Variants in SHOX observed in about 807,000 individuals in gnomAD.
The protein encoded by SHOX is SHOX homeobox.
SHOX carries 12 observed loss-of-function variants against 29.6 expected under a neutral mutation model. The ratio of observed to expected loss-of-function variants is 0.41; its 90% CI spans 0.26 to 0.66. The LOEUF is 0.66. SHOX is among the 30% of genes least tolerant of loss of function. The pLI, the probability that SHOX is intolerant of heterozygous loss-of-function variation, is 0.35. For missense variants in SHOX, 499 were observed against 437.7 expected (o/e 1.14, Z -1.25); for synonymous variants, 214 against 200.6 (o/e 1.07, Z -0.57).
At chrX:634,931 T>A in intron 2 of SHOX, 105 bp downstream of exon 2, 2 of 1,247,040 alleles carry the variant, frequency 1.6e-6, no homozygotes, top group South Asian at 3.0e-5. Flanking sequence ...GCCGTCCCCT[T>A]CCCGGAGCGC....
In SHOX at chrX:645,390, A is replaced by ATTTTTTTTTTTTTTTTTTTTTTT. The variant is rs1168989193; in HGVS notation, c.*765_*787dup. On this transcript the variant is annotated 3_prime_UTR_variant, in exon 5 of 5. Transcript: ENST00000686671. ...GGGTCTGGTTTTGTTTTGGATTGGT[A>ATTTTTTTTTTTTTTTTTTTTTTT]TTTTTTTTTTTTTTTTTTTTTTTTT... 2 of 78,332 alleles carry ATTTTTTTTTTTTTTTTTTTTTTT rather than the reference A, an allele frequency of 2.6e-5. No homozygotes were observed. The highest frequency in any genetic ancestry group is 9.7e-5 in the African/African-American group (2 of 20,536). The allele number at this position is 78,332 out of a possible 1,614,324, so 4.9% of individuals were successfully genotyped here. A position where few individuals can be genotyped will look rare whatever the true frequency, so the allele number is the denominator to read the frequency against.
Position 645,388 on chromosome X carries a change from G to GTTTTTTTTTTTTTTTTTT in SHOX, c.*753_*754insTTTTTTTTTTTTTTTTTT, listed in dbSNP as rs1398738646. Reference sequence around the variant, plus strand: ...TTGGGTCTGGTTTTGTTTTGGATTGGTATTTTTTTTTTTTTTTTTTTTTTT... The same window carrying GTTTTTTTTTTTTTTTTTT: ...TTGGGTCTGGTTTTGTTTTGGATTGGTTTTTTTTTTTTTTTTTTTATTTTTTTTTTTTTTTTTTTTTTT... On this transcript the variant is annotated 3_prime_UTR_variant, in exon 5 of 5. Coordinates refer to ENST00000686671, the MANE Select transcript of SHOX (RefSeq NM_000451.4). 8 of 77,746 alleles carry GTTTTTTTTTTTTTTTTTT rather than the reference G, an allele frequency of 1.0e-4. 2 individuals carry two copies. The highest frequency in any genetic ancestry group is 3.3e-4 in the African/African-American group (8 of 24,340). 4.8% of individuals were successfully genotyped at this position (77,746 alleles called of 1,614,324 possible).
downstream of SHOX, among the ~76,000 whole-genome samples, chrX:655,115 T>TTTTG (rs2053119067): frequency 6.6e-6 from 1 of 151,744 alleles, no homozygotes; most frequent in Admixed American, 6.6e-5. Context: ...CAGAAACTTT[T>TTTTG]TTTGTTTTGT....
At chrX:637,528 T>C (rs2052779340) in intron 2 of SHOX, among the ~76,000 whole-genome samples, 1 of 150,634 alleles carries the variant, frequency 6.6e-6, no homozygotes, top group Non-Finnish European at 1.5e-5. Flanking sequence ...CTGGGGGTTA[T>C]CGATTGCAGG....
At chrX:627,908 G>C (rs978163329), upstream of SHOX, among the ~76,000 whole-genome samples, 1 of 152,166 alleles carries the variant, frequency 6.6e-6, no homozygotes, top group Non-Finnish European at 1.5e-5. Context: ...AGCTGTGAGA[G>C]GTTTACGGCG....
chrX:640,766 G>C, intron 2 of SHOX, 55 bp from the exon 3 acceptor site: 1 of 1,597,392 alleles, frequency 6.3e-7, no homozygotes, highest in Middle Eastern at 1.7e-4. Flanking sequence ...TGCTCCCTGG[G>C]GAGGCTGGGC....
intron 2 of SHOX, among the ~76,000 whole-genome samples, chrX:639,469 G>A (rs1337764468): frequency 6.6e-6 from 1 of 152,230 alleles, no homozygotes; most frequent in Non-Finnish European, 1.5e-5. Flanking sequence ...GATTGGAGAA[G>A]GGGCTGGATT....
At chrX:634,551 G>T in intron 1 of SHOX, 67 bp from the exon 2 acceptor site, 2 of 1,555,234 alleles carry the variant, frequency 1.3e-6, no homozygotes, top group Non-Finnish European at 1.8e-6. Flanking sequence ...CGGGATGCAC[G>T]AAGGGGTTCG....
intron 1 of SHOX, among the ~76,000 whole-genome samples, chrX:625,189 C>G (rs752257923): frequency 7.9e-6 from 1 of 126,330 alleles, no homozygotes; most frequent in East Asian, 2.5e-4. Flanking sequence ...TTCATCGTCC[C>G]TCCTCCTCCT....
At chrX:624,807 C>CTTCTTTCCTTCCTTCG (rs1252144634) in intron 1 of SHOX, among the ~76,000 whole-genome samples, 14 of 141,634 alleles carry the variant, frequency 9.9e-5, no homozygotes, top group African/African-American at 3.9e-4. Context: ...AAAGCTTTGC[C>CTTCTTTCCTTCCTTCG]TTCTTTCCTT....
At position 631,200 on chromosome X, in the gene SHOX, AG is replaced by A. The variant is rs763058256; in HGVS notation, c.277+32del. On this transcript the variant is annotated intron_variant, in intron 1 of 4. Transcript: ENST00000686671. ...GTAAGTTCCTTTGCGCTCCGGCTCCAGGGGGGCCCTCCTGGGGTTCGGCGCC... is the reference window on the plus strand; with the variant it reads ...GTAAGTTCCTTTGCGCTCCGGCTCCAGGGGGCCCTCCTGGGGTTCGGCGCC... The A allele has an allele frequency of 1.4e-5, 23 of 1,610,886 alleles. 1 individual carries two copies. The highest frequency in any genetic ancestry group is 1.7e-4 in the Middle Eastern group (1 of 5,954).
rs1556473167 is a variant in SHOX at position 650,806 on chromosome X, A to AAAAAAC, written c.*6175_*6176insCAAAAA. On this transcript the variant is annotated 3_prime_UTR_variant, in exon 5 of 5. Coordinates refer to ENST00000686671, the MANE Select transcript of SHOX (RefSeq NM_000451.4). ...ACGTTTGACATTAAAAAAAAAAAAA[A>AAAAAAC]AAAAAAAAAAAAACTGGTGCCTAAT... Among the ~76,000 whole-genome samples, 4 of 143,766 alleles carry AAAAAAC rather than the reference A, an allele frequency of 2.8e-5. No homozygotes were observed. Among genetic ancestry groups the AAAAAAC allele is most frequent in the African/African-American group, 1.0e-4 (4 of 39,864 alleles). The allele number at this position is 143,766 out of a possible 152,430, so 94.3% of individuals were successfully genotyped here. A position where few individuals can be genotyped will look rare whatever the true frequency, so the allele number is the denominator to read the frequency against.
At position 630,846 on chromosome X, in the gene SHOX, G is replaced by A; in HGVS notation, c.-52G>A. On this transcript the variant is annotated 5_prime_UTR_variant, in exon 1 of 5. Transcript: ENST00000686671. ...CGCACGGGCCGTCCTCTCCGCGCGG[G>A]GAGACGCGCGCATCCACCAGCCCCG... 6.2e-7 allele frequency: 1 copy of A among 1,606,870 alleles called. No homozygotes were observed. Among genetic ancestry groups the A allele is most frequent in the Non-Finnish European group, 8.5e-7 (1 of 1,176,144 alleles).
At position 649,314 on chromosome X, in the gene SHOX, C is replaced by T. The variant is rs756220454; in HGVS notation, c.*4678C>T. ...TCAGCCTCCCAGAGTGCTGGGATTA[C>T]GGGGTGAGGCACCGCGCCCGGCCTC... On this transcript the variant is annotated 3_prime_UTR_variant, in exon 5 of 5. Transcript: ENST00000686671. Among the ~76,000 whole-genome samples the T allele has an allele frequency of 1.5e-4, 23 of 152,204 alleles. No homozygotes were observed. Among genetic ancestry groups the T allele is most frequent in the Non-Finnish European group, 2.5e-4 (17 of 68,032 alleles).
upstream of SHOX, among the ~76,000 whole-genome samples, chrX:628,383 A>C (rs749309801): frequency 6.4e-3 from 368 of 57,734 alleles, no homozygotes; most frequent in Non-Finnish European, 7.4e-3. Flanking sequence ...CTCTCTCTCC[A>C]TCTGTCTGTC....
intron 2 of SHOX, among the ~76,000 whole-genome samples, chrX:638,534 G>T (rs2124177740): frequency 6.6e-6 from 1 of 152,258 alleles, no homozygotes; most frequent in African/African-American, 2.4e-5. Flanking sequence ...TTTTTGGCGG[G>T]GGTGTGAGGG....
downstream of SHOX, among the ~76,000 whole-genome samples, chrX:654,537 C>T (rs28459931): frequency 0.17 from 26,149 of 151,824 alleles, 3,562 homozygotes; most frequent in African/African-American, 0.38. Flanking sequence ...CATTGTTGGG[C>T]ATCCTGTGCT....
chrX:636,010 C>G (rs2052740486), intron 2 of SHOX, among the ~76,000 whole-genome samples: 1 of 151,926 alleles, frequency 6.6e-6, no homozygotes, highest in African/African-American at 2.4e-5. Flanking sequence ...AAAGCCCGTT[C>G]CCGTAGGACT....
chrX:635,260 C>G (rs1248215957), intron 2 of SHOX, among the ~76,000 whole-genome samples: 2 of 152,020 alleles, frequency 1.3e-5, no homozygotes, highest in Non-Finnish European at 2.9e-5. Context: ...GGAGACGAAG[C>G]TACAGATGCG....
Sources: allele counts gnomAD v4.1 joint callset (sites outside exome capture counted in the v4.1 genomes callset), GRCh38; gene constraint gnomAD v4.1.1; transcripts MANE v1.5; gene names NCBI Gene and HGNC (gene_info 2026-07-23, HGNC 2026-07-21).